The following DDX3X variants were observed in gnomAD, a reference collection of about 807,000 sequenced individuals.
The protein encoded by DDX3X is DEAD-box helicase 3 X-linked.
Under a neutral mutation model 52.7 loss-of-function variants are expected in DDX3X, and 4 were observed. The ratio of observed to expected loss-of-function variants is 0.08; its 90% CI spans 0.04 to 0.17. The LOEUF (loss-of-function observed/expected upper bound fraction) is 0.17. DDX3X is among the 10% of genes least tolerant of loss of function. The probability of loss-of-function intolerance (pLI) is 1.00; values close to 1 mark genes in which losing one functional copy is unlikely to be tolerated. For missense variants in DDX3X, 222 were observed against 548.6 expected, an observed-to-expected ratio of 0.40 and a Z score of 5.95; for synonymous variants, 192 against 178.1, an observed-to-expected ratio of 1.08 and a Z score of -0.62.
chrX:41,351,809 T>C (rs2147368448), downstream of DDX3X: 1 of 111,219 alleles, frequency 9.0e-6, no homozygotes, highest in Admixed American at 9.7e-5. Context: ...TTTCTCTACA[T>C]ACACTTGACT....
chrX:41,342,460 T>G (rs750257027), intron 4 of DDX3X, 35 bp from the exon 5 acceptor site: 2 of 1,202,692 alleles, frequency 1.7e-6, no homozygotes, highest in Non-Finnish European at 2.3e-6. Flanking sequence ...AATGGTTAAA[T>G]GATATGATTC....
intron 5 of DDX3X, chrX:41,357,952 G>A (rs993889921): frequency 2.7e-5 from 8 of 292,894 alleles, no homozygotes; most frequent in Non-Finnish European, 3.0e-5. Context: ...ATTTGAGACC[G>A]ACCAACCCTC....
chrX:41,339,008 A>G (rs755081413), intron 2 of DDX3X, 28 bp from the exon 3 acceptor site: 2 of 736,447 alleles, frequency 2.7e-6, no homozygotes, highest in Non-Finnish European at 3.6e-6. Flanking sequence ...GCATTTAATT[A>G]ATTTTATATA....
At chrX:41,340,226 AG>A (rs2063830639) in intron 3 of DDX3X, 1 of 111,881 alleles carries the variant, frequency 8.9e-6, no homozygotes, top group Non-Finnish European at 1.9e-5. Flanking sequence ...TATTCTTTTT[AG>A]GGGAGGTTAC....
Position 41,349,206 on chromosome X carries a change from G to A in DDX3X, c.*1487G>A, listed in dbSNP as rs1233665628. 8.9e-6 allele frequency: 1 copy of A among 112,523 alleles called. No homozygotes were observed. The highest frequency in any genetic ancestry group is 9.5e-5 in the Admixed American group (1 of 10,492). 9.3% of individuals were successfully genotyped at this position (112,523 alleles called of 1,213,427 possible). On this transcript the variant is annotated 3_prime_UTR_variant, in exon 17 of 17. Coordinates refer to ENST00000644876, the MANE Select transcript of DDX3X (RefSeq NM_001356.5). ...TTAAGTAGGTGCACTTGACAGTATT[G>A]AGGTCATTTGTTATGGTGCTATTTC... is the stretch of plus-strand genomic sequence containing the variant.
At chrX:41,337,380 G>T in intron 1 of DDX3X, 28 bp from the exon 2 acceptor site, 1 of 1,182,174 alleles carries the variant, frequency 8.5e-7, no homozygotes, top group South Asian at 1.8e-5. Context: ...TGAGCACATG[G>T]GGTGCTAACC....
chrX:41,360,760 G>A (rs908179019), intron 5 of DDX3X, among the ~76,000 whole-genome samples: 2 of 110,357 alleles, frequency 1.8e-5, no homozygotes, highest in African/African-American at 3.3e-5. Context: ...TCTGTTTAAG[G>A]CCAAATCTTC....
downstream of DDX3X, among the ~76,000 whole-genome samples, chrX:41,352,239 C>T (rs182671728): frequency 4.5e-3 from 499 of 111,864 alleles, 5 homozygotes; most frequent in African/African-American, 0.015. Context: ...TATCTATATT[C>T]TAAGGCTTTC....
rs1008275330 is a variant in DDX3X, at chrX:41,350,229, G to C, written c.*2510G>C. Reference sequence around the variant, plus strand: ...ACAGTCTCCTTTGTTGTTGTCAATTGTGGTTTATTTTCAGAGGTGTAAATA... The same window carrying C: ...ACAGTCTCCTTTGTTGTTGTCAATTCTGGTTTATTTTCAGAGGTGTAAATA... On this transcript the variant is annotated 3_prime_UTR_variant, in exon 17 of 17. Coordinates refer to ENST00000644876, the MANE Select transcript of DDX3X (RefSeq NM_001356.5). The C allele has an allele frequency of 8.9e-6, 1 of 112,286 alleles. No homozygotes were observed. The highest frequency in any genetic ancestry group is 3.2e-5 in the African/African-American group (1 of 30,823). The allele number at this position is 112,286 out of a possible 1,213,427, so 9.3% of individuals were successfully genotyped here.
At chrX:41,343,447 C>A in intron 7 of DDX3X, 96 bp downstream of exon 7, 1 of 765,268 alleles carries the variant, frequency 1.3e-6, no homozygotes, top group East Asian at 3.6e-5. Context: ...AGTTTTGCAG[C>A]TGCTCTGCGC....
At chrX:41,334,484 G>A (rs2063726874) in intron 1 of DDX3X, 187 bp downstream of exon 1, 3 of 1,096,856 alleles carry the variant, frequency 2.7e-6, no homozygotes, top group South Asian at 2.3e-5. Flanking sequence ...CCCGGGCCCG[G>A]TCTCGGCCCG....
Position 41,363,857 on chromosome X carries a change from G to A in DDX3X, c.655-417G>A, listed in dbSNP as rs184250478. ...TTCCACTACTCTCCCATGGGAGGAA[G>A]CTCAGAGCCACCCTGACCGCTCTTC... On this transcript the variant is annotated intron_variant, in intron 5 of 5. Transcript: ENST00000616050. Among the ~76,000 whole-genome samples the A allele has an allele frequency of 5.6e-3, 626 of 111,566 alleles. 3 individuals are homozygous for A. Among genetic ancestry groups the A allele is most frequent in the Non-Finnish European group, 9.2e-3 (486 of 53,013 alleles).
intron 12 of DDX3X, 47 bp from the exon 13 acceptor site, chrX:41,346,182 G>GA: frequency 9.0e-7 from 1 of 1,107,520 alleles, no homozygotes; most frequent in South Asian, 2.0e-5. Context: ...AGTGCAAAGA[G>GA]AACTAAGCCA....
intron 1 of DDX3X, among the ~76,000 whole-genome samples, chrX:41,337,001 C>G (rs756022871): frequency 1.8e-5 from 2 of 112,242 alleles, no homozygotes; most frequent in Non-Finnish European, 3.8e-5. Flanking sequence ...TGGAAACTTT[C>G]ATAACCGGCA....
rs2063909887 is a variant in DDX3X at position 41,345,388 on chromosome X, A to T, written c.1171-16A>T. ...TTGTTTATCTCAGGTAATAATAAAA[A>T]TTTTTTTTCTTTCAGATGCTGGCTC... is the stretch of plus-strand genomic sequence containing the variant. On this transcript the variant is annotated splice_polypyrimidine_tract_variant and intron_variant, in intron 11 of 16. Transcript: ENST00000644876. The T allele has an allele frequency of 1.8e-5, 22 of 1,193,491 alleles. No individual in the cohort carries two copies. Among genetic ancestry groups the T allele is most frequent in the Middle Eastern group, 2.3e-4 (1 of 4,260 alleles).
intron 12 of DDX3X, 126 bp from the exon 13 acceptor site, chrX:41,346,103 G>T: frequency 3.6e-6 from 2 of 552,196 alleles, no homozygotes; most frequent in Non-Finnish European, 5.8e-6. Flanking sequence ...AAAACATGCT[G>T]TGTTGAAAGC....
chrX:41,341,366 C>T (rs771639527), intron 3 of DDX3X, 118 bp from the exon 4 acceptor site: 3 of 552,138 alleles, frequency 5.4e-6, no homozygotes, highest in East Asian at 7.7e-5. Context: ...GGTTCTCTTA[C>T]AGTGCCATGG....
intron 3 of DDX3X, 166 bp downstream of exon 3, chrX:41,339,249 T>TAATTTTGGAAG (rs2063813639): frequency 8.5e-6 from 2 of 235,719 alleles, no homozygotes; most frequent in Non-Finnish European, 1.6e-5. Context: ...TTGGAAGAAC[T>TAATTTTGGAAG]CATCTAATGT....
downstream of DDX3X, among the ~76,000 whole-genome samples, chrX:41,355,056 G>T (rs1434041573): frequency 1.8e-5 from 2 of 111,116 alleles, no homozygotes; most frequent in African/African-American, 6.5e-5. Context: ...CCTGACCTCG[G>T]GTGATCCGCC....
Sources: allele counts gnomAD v4.1 joint callset (sites outside exome capture counted in the v4.1 genomes callset), GRCh38; gene constraint gnomAD v4.1.1; transcripts MANE v1.5; gene names NCBI Gene and HGNC (gene_info 2026-07-23, HGNC 2026-07-21).